ZNF567: variants seen among roughly 807,000 people sequenced by gnomAD.
ZNF567 encodes zinc finger protein 567.
In ZNF567, 36 loss-of-function variants were observed where a neutral mutation model predicts 53.9. The observed-to-expected ratio is 0.67, with a 90% CI of 0.51 to 0.88. ZNF567 has a LOEUF of 0.88. Ranked by LOEUF, ZNF567 falls within the 40% of genes least tolerant of loss-of-function variation. The pLI is 0.00. For missense variants in ZNF567, 619 were observed against 764.7 expected (o/e 0.81, Z 2.25); for synonymous variants, 224 against 260.4 (o/e 0.86, Z 1.35).
At chr19:36,696,102 C>A (rs1423877044) in intron 3 of ZNF567, among the ~76,000 whole-genome samples, 1 of 152,164 alleles carries the variant, frequency 6.6e-6, no homozygotes, top group Non-Finnish European at 1.5e-5. Flanking sequence ...AGATTTATTT[C>A]TATTTTCACA....
chr19:36,706,669 G>GTTTTTTTTTT (rs374899379), intron 3 of ZNF567, among the ~76,000 whole-genome samples: 1 of 108,968 alleles, frequency 9.2e-6, no homozygotes, highest in Non-Finnish European at 1.8e-5. Context: ...TTTACTGTTG[G>GTTTTTTTTTT]TTTTTTTTTT....
chr19:36,709,590 A>G (rs1340693987), intron 3 of ZNF567, among the ~76,000 whole-genome samples: 2 of 151,448 alleles, frequency 1.3e-5, no homozygotes, highest in East Asian at 2.0e-4. Flanking sequence ...TCAGCCCCAC[A>G]AAGTGCCCGG....
the ZNF567 span, among the ~76,000 whole-genome samples, chr19:36,673,154 A>C: frequency 6.6e-6 from 1 of 152,218 alleles, no homozygotes; most frequent in Non-Finnish European, 1.5e-5. Context: ...CAGACTTTGC[A>C]TCCTCTTCTG....
downstream of ZNF567, among the ~76,000 whole-genome samples, chr19:36,724,004 C>CTTTTTT (rs536627641): frequency 9.2e-5 from 9 of 98,342 alleles, no homozygotes; most frequent in South Asian, 3.5e-4. Context: ...TTCTGTATTT[C>CTTTTTT]TTTTTTTTTT....
intron 2 of ZNF567, among the ~76,000 whole-genome samples, chr19:36,693,781 G>A (rs545804857): frequency 9.2e-5 from 14 of 152,138 alleles, no homozygotes; most frequent in South Asian, 4.1e-4. Flanking sequence ...GATAAAGATG[G>A]CAGTTTTGAT....
chr19:36,718,538 C>T (rs1226313119), intron 5 of ZNF567, among the ~76,000 whole-genome samples: 2 of 151,978 alleles, frequency 1.3e-5, no homozygotes, highest in African/African-American at 4.8e-5. Context: ...GATCTGTGTC[C>T]TCCAGAAGTA....
intron 3 of ZNF567, among the ~76,000 whole-genome samples, chr19:36,695,576 G>A (rs886113659): frequency 2.0e-5 from 3 of 151,966 alleles, no homozygotes; most frequent in African/African-American, 7.3e-5. Flanking sequence ...GCATGCACCT[G>A]TGGTCCCAGT....
the ZNF567 span, among the ~76,000 whole-genome samples, chr19:36,667,765 T>C: frequency 1.5e-4 from 23 of 150,154 alleles, no homozygotes; most frequent in African/African-American, 5.4e-4. Context: ...TTCTCCTGCC[T>C]CAGCCTCCCG....
At chr19:36,702,987 G>A (rs2039287824) in intron 3 of ZNF567, among the ~76,000 whole-genome samples, 1 of 152,204 alleles carries the variant, frequency 6.6e-6, no homozygotes, top group African/African-American at 2.4e-5. Context: ...TTCCTTTGGA[G>A]GAGGAGAGGT....
chr19:36,691,520 T>G (rs1290040634), intron 2 of ZNF567, among the ~76,000 whole-genome samples: 1 of 152,236 alleles, frequency 6.6e-6, no homozygotes, highest in Non-Finnish European at 1.5e-5. Context: ...CTATCTTTTA[T>G]CTAAGCTTTC....
At chr19:36,691,153 T>A (rs995916312) in intron 2 of ZNF567, among the ~76,000 whole-genome samples, 4 of 150,940 alleles carry the variant, frequency 2.7e-5, no homozygotes, top group Admixed American at 6.6e-5. Flanking sequence ...TTTTTTGTTT[T>A]CTTGTTTTGT....
rs1053746381 is a variant in ZNF567 at position 36,714,362 on chromosome 19, C to G, written c.223+1495C>G. 10 of 375,652 alleles carry G rather than the reference C, an allele frequency of 2.7e-5. No individual in the cohort carries two copies. The Admixed American group carries it at 3.6e-4, about 14-fold the overall frequency. 23.3% of individuals were successfully genotyped at this position (375,652 alleles called of 1,614,324 possible). A position where few individuals can be genotyped will look rare whatever the true frequency, so the allele number is the denominator to read the frequency against. On this transcript the variant is annotated intron_variant, in intron 5 of 5. Transcript: ENST00000682579. ...TATTTTTAGTAGAGATGGGGTTTCACCATGTTGGCCAGGCTGGTCTCAAAC... is the reference window on the plus strand; with the variant it reads ...TATTTTTAGTAGAGATGGGGTTTCAGCATGTTGGCCAGGCTGGTCTCAAAC...
downstream of ZNF567, among the ~76,000 whole-genome samples, chr19:36,725,147 T>C (rs937748351): frequency 6.6e-6 from 1 of 152,092 alleles, no homozygotes; most frequent in African/African-American, 2.4e-5. Flanking sequence ...TCTAAAAATA[T>C]GGTATTTCTG....
At chr19:36,670,745 A>T in the ZNF567 span, among the ~76,000 whole-genome samples, 1 of 152,276 alleles carries the variant, frequency 6.6e-6, no homozygotes, top group South Asian at 2.1e-4. Flanking sequence ...GGAGTATATC[A>T]GCTCTCCAGA....
intron 3 of ZNF567, among the ~76,000 whole-genome samples, chr19:36,709,304 G>T (rs2039654575): frequency 6.6e-6 from 1 of 152,076 alleles, no homozygotes; most frequent in Non-Finnish European, 1.5e-5. Flanking sequence ...TATTATCTAT[G>T]GTTGCTTTCA....
intron 3 of ZNF567, among the ~76,000 whole-genome samples, chr19:36,708,133 T>A (rs1316325861): frequency 6.6e-6 from 1 of 152,152 alleles, no homozygotes; most frequent in African/African-American, 2.4e-5. Context: ...CAAGTGATCT[T>A]CCTGTCTCAG....
At chr19:36,687,738 G>A in intron 1 of ZNF567, 104 bp downstream of exon 1, 1 of 153,070 alleles carries the variant, frequency 6.5e-6, no homozygotes, top group Non-Finnish European at 1.5e-5. Flanking sequence ...AAAGCAAGAA[G>A]GGAAGAGGAG....
chr19:36,697,330 G>A, intron 3 of ZNF567, among the ~76,000 whole-genome samples: 1 of 151,662 alleles, frequency 6.6e-6, no homozygotes, highest in East Asian at 1.9e-4. Context: ...ATCTTGACCT[G>A]CAACCTTTCA....
chr19:36,680,815 G>A, the ZNF567 span, among the ~76,000 whole-genome samples: 3 of 152,034 alleles, frequency 2.0e-5, no homozygotes, highest in Non-Finnish European at 4.4e-5. Flanking sequence ...CACCTCCGGG[G>A]TCACATTGCT....
Sources: gnomAD v4.1 joint callset for allele counts (sites outside exome capture counted in the v4.1 genomes callset) on GRCh38, gnomAD v4.1.1 for gene constraint, MANE v1.5 for transcripts, NCBI Gene and HGNC (gene_info 2026-07-23, HGNC 2026-07-21) for gene names.